The following MAF variants were observed in gnomAD, a reference collection of about 807,000 sequenced individuals.
MAF encodes the protein MAF bZIP transcription factor.
Under a neutral mutation model 22.0 loss-of-function variants are expected in MAF, and 10 were observed. The observed-to-expected ratio is 0.45, with a 90% CI of 0.28 to 0.77. The LOEUF is 0.77. MAF is among the 30% of genes least tolerant of loss of function. MAF has a pLI of 0.12. For synonymous variants in MAF, 337 were observed against 255.8 expected (o/e 1.32, Z -3.03); for missense variants, 544 against 548.4 (o/e 0.99, Z 0.08).
chr16:79,506,299 G>A, the MAF span, among the ~76,000 whole-genome samples: 1 of 152,290 alleles, frequency 6.6e-6, no homozygotes, highest in African/African-American at 2.4e-5. Flanking sequence ...AGGAAGCTGA[G>A]GCTCGGCAAA....
At chr16:79,395,119 T>C in the MAF span, among the ~76,000 whole-genome samples, 20 of 152,136 alleles carry the variant, frequency 1.3e-4, no homozygotes, top group African/African-American at 4.8e-4. Flanking sequence ...GGCCTGGAGG[T>C]GTGATCACAG....
the MAF span, among the ~76,000 whole-genome samples, chr16:79,246,659 T>G: frequency 6.6e-6 from 1 of 152,010 alleles, no homozygotes; most frequent in East Asian, 1.9e-4. Flanking sequence ...ACATGAAATG[T>G]GTTAATTTTT....
intron 1 of MAF, chr16:79,595,735 C>T (rs1043938137): frequency 4.4e-5 from 47 of 1,056,536 alleles, no homozygotes; most frequent in Admixed American, 5.4e-5. Context: ...TTATTTTTTG[C>T]TTTTATTTCT....
At chr16:79,467,218 T>C in the MAF span, among the ~76,000 whole-genome samples, 1 of 152,106 alleles carries the variant, frequency 6.6e-6, no homozygotes, top group East Asian at 1.9e-4. Context: ...TCCAGCTCAA[T>C]TTCATTAGGG....
the MAF span, among the ~76,000 whole-genome samples, chr16:79,440,879 A>C: frequency 4.0e-4 from 61 of 152,342 alleles, no homozygotes; most frequent in South Asian, 0.012. Flanking sequence ...GACAGGAACA[A>C]GTGGCCCAAA....
the MAF span, among the ~76,000 whole-genome samples, chr16:79,317,583 C>G: frequency 6.6e-6 from 1 of 151,866 alleles, no homozygotes; most frequent in East Asian, 1.9e-4. Flanking sequence ...TCCGCCCTTC[C>G]TTTCTACCAC....
the MAF span, among the ~76,000 whole-genome samples, chr16:79,403,528 G>C: frequency 6.6e-6 from 1 of 152,088 alleles, no homozygotes; most frequent in Non-Finnish European, 1.5e-5. Context: ...ACCCTCTCTG[G>C]TCAGTGCTCA....
chr16:79,238,481 T>C, the MAF span, among the ~76,000 whole-genome samples: 1 of 152,068 alleles, frequency 6.6e-6, no homozygotes, highest in African/African-American at 2.4e-5. Flanking sequence ...ATCTGGGCTA[T>C]TATGTGACCT....
the MAF span, among the ~76,000 whole-genome samples, chr16:79,459,556 A>T: frequency 6.6e-6 from 1 of 151,900 alleles, no homozygotes; most frequent in Non-Finnish European, 1.5e-5. Flanking sequence ...TCTTTATTTC[A>T]ATAAGTTCTT....
At chr16:79,479,212 T>C in the MAF span, among the ~76,000 whole-genome samples, 13 of 152,234 alleles carry the variant, frequency 8.5e-5, no homozygotes, top group African/African-American at 3.1e-4. Flanking sequence ...TATCATATCT[T>C]AGTGCACCCA....
chr16:79,557,945 C>A, the MAF span, among the ~76,000 whole-genome samples: 4 of 150,942 alleles, frequency 2.7e-5, no homozygotes, highest in African/African-American at 4.9e-5. Flanking sequence ...TAAGCCAAGG[C>A]CTGATGGGTG....
chr16:79,497,957 G>C, the MAF span, among the ~76,000 whole-genome samples: 1 of 152,156 alleles, frequency 6.6e-6, no homozygotes, highest in Admixed American at 6.5e-5. Context: ...CTAGAGACCA[G>C]AAGACACCAC....
chr16:79,595,240 G>T, intron 1 of MAF: 1 of 1,045,492 alleles, frequency 9.6e-7, no homozygotes. Flanking sequence ...GGATTCAGGA[G>T]CCTGTCTAAA....
chr16:79,498,502 C>A, the MAF span, among the ~76,000 whole-genome samples: 4 of 152,242 alleles, frequency 2.6e-5, no homozygotes, highest in African/African-American at 9.6e-5. Context: ...AGCTTTGGCC[C>A]ATGGGCTTCA....
chr16:79,516,029 C>A, the MAF span: 1 of 140,728 alleles, frequency 7.1e-6, no homozygotes, highest in African/African-American at 2.6e-5. Context: ...GCTCCTGGCT[C>A]AAGTGGCTCC....
the MAF span, among the ~76,000 whole-genome samples, chr16:79,489,881 G>C: frequency 1.3e-5 from 2 of 152,150 alleles, no homozygotes; most frequent in Admixed American, 1.3e-4. Flanking sequence ...AAGAGACAAG[G>C]GTGGTCAGGG....
chr16:79,210,252 C>T, the MAF span, among the ~76,000 whole-genome samples: 5 of 152,208 alleles, frequency 3.3e-5, no homozygotes, highest in African/African-American at 1.2e-4. Flanking sequence ...ACAATGACAA[C>T]AACAAACCCA....
the MAF span, among the ~76,000 whole-genome samples, chr16:79,351,236 G>A: frequency 1.3e-5 from 2 of 152,340 alleles, no homozygotes; most frequent in South Asian, 2.1e-4. Flanking sequence ...CAGTGGGGCT[G>A]CCTTTGCTCA....
At chr16:79,246,686 G>A in the MAF span, among the ~76,000 whole-genome samples, 21 of 152,266 alleles carry the variant, frequency 1.4e-4, no homozygotes, top group African/African-American at 4.8e-4. Context: ...CTTTCAGTAG[G>A]TGTCTTGGAA....
Sources: gnomAD v4.1 joint callset for allele counts (sites outside exome capture counted in the v4.1 genomes callset) on GRCh38, gnomAD v4.1.1 for gene constraint, MANE v1.5 for transcripts, NCBI Gene and HGNC (gene_info 2026-07-23, HGNC 2026-07-21) for gene names.